The following MYO5B variants were observed in gnomAD, a reference collection of about 807,000 sequenced individuals.
MYO5B encodes myosin VB, also known as unconventional myosin-Vb.
Under a neutral mutation model 229.3 loss-of-function variants are expected in MYO5B, and 143 were observed. The ratio of observed to expected loss-of-function variants is 0.62; its 90% CI spans 0.54 to 0.72. The LOEUF (loss-of-function observed/expected upper bound fraction) is 0.72. Ranked by LOEUF, MYO5B falls within the 30% of genes least tolerant of loss-of-function variation. The probability of loss-of-function intolerance (pLI) is 0.00; values close to 1 mark genes in which losing one functional copy is unlikely to be tolerated. For synonymous variants in MYO5B, 918 were observed against 885.2 expected (o/e 1.04, Z -0.66); for missense variants, 2,321 against 2,331.0 (o/e 1.00, Z 0.09).
intron 22 of MYO5B, among the ~76,000 whole-genome samples, chr18:49,888,607 G>A (rs983167684): frequency 5.3e-5 from 8 of 152,196 alleles, no homozygotes; most frequent in African/African-American, 1.9e-4. Context: ...GGTAGGTAGA[G>A]GGAGGAAGAA....
intron 18 of MYO5B, among the ~76,000 whole-genome samples, 173 bp from the exon 19 acceptor site, chr18:49,906,803 CG>C: frequency 6.6e-6 from 1 of 152,276 alleles, no homozygotes; most frequent in South Asian, 2.1e-4. Context: ...GACCCTACTA[CG>C]GGCCAGACTC....
At chr18:49,875,620 C>A in intron 26 of MYO5B, 67 bp downstream of exon 26, 3 of 1,607,334 alleles carry the variant, frequency 1.9e-6, no homozygotes, top group Non-Finnish European at 2.6e-6. Context: ...CACATGAGCC[C>A]TGGACACAAG....
intron 19 of MYO5B, among the ~76,000 whole-genome samples, chr18:49,905,180 T>A (rs2024885927): frequency 6.6e-6 from 1 of 152,184 alleles, no homozygotes; most frequent in Non-Finnish European, 1.5e-5. Context: ...ACATCATGTG[T>A]TCACATTGCT....
At chr18:50,158,627 T>C (rs1301022487) in intron 1 of MYO5B, among the ~76,000 whole-genome samples, 1 of 152,212 alleles carries the variant, frequency 6.6e-6, no homozygotes, top group African/African-American at 2.4e-5. Flanking sequence ...CAAAATCACC[T>C]GGCCCAAAAT....
chr18:49,948,758 C>T (rs921670246), intron 14 of MYO5B, among the ~76,000 whole-genome samples: 1 of 150,788 alleles, frequency 6.6e-6, no homozygotes, highest in African/African-American at 2.5e-5. Context: ...AAGCTGAAGT[C>T]AAGCCATAAG....
intron 1 of MYO5B, among the ~76,000 whole-genome samples, chr18:50,090,508 A>G (rs1006998050): frequency 1.4e-4 from 21 of 152,146 alleles, no homozygotes; most frequent in African/African-American, 4.8e-4. Context: ...ACACTCATCA[A>G]CTAACACCCA....
intron 4 of MYO5B, among the ~76,000 whole-genome samples, chr18:50,008,722 C>T (rs1028737550): frequency 6.6e-6 from 1 of 152,228 alleles, no homozygotes; most frequent in Admixed American, 6.5e-5. Flanking sequence ...ACAGAAAGGA[C>T]ATCCCATCTC....
chr18:49,925,724 T>C (rs999694122), intron 17 of MYO5B, among the ~76,000 whole-genome samples: 7 of 152,214 alleles, frequency 4.6e-5, no homozygotes, highest in Admixed American at 4.6e-4. Flanking sequence ...CCGTGGAAGA[T>C]GGTTTGAAAA....
intron 1 of MYO5B, among the ~76,000 whole-genome samples, chr18:50,066,650 A>G (rs2030827438): frequency 6.6e-6 from 1 of 152,350 alleles, no homozygotes; most frequent in East Asian, 1.9e-4. Context: ...CCGAATCAAC[A>G]CACACACTGA....
At chr18:49,953,055 C>G (rs967476271) in intron 14 of MYO5B, among the ~76,000 whole-genome samples, 1 of 152,134 alleles carries the variant, frequency 6.6e-6, no homozygotes, top group African/African-American at 2.4e-5. Flanking sequence ...TCAGGCCATA[C>G]TAAAGTGTTT....
At position 49,992,770 on chromosome 18, in the gene MYO5B, T is replaced by C. The variant is rs891017327; in HGVS notation, c.613-339A>G. 5.9e-5 allele frequency among the ~76,000 whole-genome samples: 9 copies of C among 152,256 alleles called. No individual in the cohort carries two copies. The South Asian group carries it at 6.2e-4, about 11-fold the overall frequency. On this transcript the variant is annotated intron_variant, in intron 5 of 39. Transcript: ENST00000285039. ...CTGTGATGGTACCAGCTATAGCAGT[T>C]ATCTTGGAACCATGAGGAAAAGGCC...
At chr18:49,847,030 G>A in intron 33 of MYO5B, 116 bp downstream of exon 33, 1 of 1,339,978 alleles carries the variant, frequency 7.5e-7, no homozygotes, top group South Asian at 1.2e-5. Flanking sequence ...AGGAGACAGA[G>A]GGTGGGGGCT....
intron 1 of MYO5B, among the ~76,000 whole-genome samples, chr18:50,179,760 G>A (rs575053315): frequency 1.3e-5 from 2 of 152,126 alleles, no homozygotes; most frequent in Non-Finnish European, 2.9e-5. Flanking sequence ...GGCCTATTAG[G>A]CCACAGTTCT....
At chr18:49,977,672 C>G (rs1337221362) in intron 9 of MYO5B, among the ~76,000 whole-genome samples, 2 of 152,184 alleles carry the variant, frequency 1.3e-5, no homozygotes, top group African/African-American at 4.8e-5. Flanking sequence ...GGGCCCTGTC[C>G]CACCTTTGCC....
At chr18:50,042,370 G>C (rs971342130) in intron 2 of MYO5B, among the ~76,000 whole-genome samples, 2 of 152,242 alleles carry the variant, frequency 1.3e-5, no homozygotes, top group South Asian at 2.1e-4. Context: ...TGTTTTAAAG[G>C]CTAGATGGAT....
chr18:50,150,025 C>T (rs1337176158), intron 1 of MYO5B, among the ~76,000 whole-genome samples: 8 of 149,914 alleles, frequency 5.3e-5, no homozygotes, highest in Admixed American at 2.0e-4. Context: ...GGGCGAAGGA[C>T]ATGAACAGAC....
chr18:50,164,152 G>A (rs561924728), intron 1 of MYO5B, among the ~76,000 whole-genome samples: 2 of 152,248 alleles, frequency 1.3e-5, no homozygotes, highest in Admixed American at 1.3e-4. Context: ...CTCCCCACAC[G>A]AACCTCTTAA....
chr18:50,033,744 G>A (rs1040008637), intron 4 of MYO5B, among the ~76,000 whole-genome samples: 10 of 152,192 alleles, frequency 6.6e-5, no homozygotes, highest in African/African-American at 9.6e-5. Flanking sequence ...TTAAAATGAC[G>A]TTTCATAGGA....
chr18:49,986,818 A>G (rs1341425972), intron 7 of MYO5B, among the ~76,000 whole-genome samples: 1 of 152,200 alleles, frequency 6.6e-6, no homozygotes, highest in Non-Finnish European at 1.5e-5. Context: ...TTTTCAGAAA[A>G]GCAAACTGAG....
Sources: allele counts gnomAD v4.1 joint callset (sites outside exome capture counted in the v4.1 genomes callset), GRCh38; gene constraint gnomAD v4.1.1; transcripts MANE v1.5; gene names NCBI Gene and HGNC (gene_info 2026-07-23, HGNC 2026-07-21).